BRD8: variants seen among roughly 807,000 people sequenced by gnomAD.
BRD8 encodes bromodomain-containing protein 8.
Under a neutral mutation model 143.1 loss-of-function variants are expected in BRD8, and 67 were observed. The observed-to-expected ratio is 0.47, with a 90% confidence interval of 0.38 to 0.57. The LOEUF (loss-of-function observed/expected upper bound fraction) is 0.57. Among genes scored for constraint, BRD8 ranks in the 20% least tolerant of loss-of-function variants. The pLI, the probability that BRD8 is intolerant of heterozygous loss-of-function variation, is 0.00. For missense variants in BRD8, 1,103 were observed against 1,503.0 expected, an observed-to-expected ratio of 0.73 and a Z score of 4.40; for synonymous variants, 505 against 517.1, an observed-to-expected ratio of 0.98 and a Z score of 0.32.
chr5:138,160,272 C>A (rs1255227007), intron 18 of BRD8, 99 bp from the exon 19 acceptor site: 1 of 784,452 alleles, frequency 1.3e-6, no homozygotes, highest in East Asian at 2.5e-5. Flanking sequence ...GTATAGTACT[C>A]TTCTGGCTCA....
intron 12 of BRD8, 117 bp from the exon 13 acceptor site, chr5:138,164,530 T>C: frequency 1.7e-6 from 2 of 1,177,756 alleles, no homozygotes; most frequent in Non-Finnish European, 2.5e-6. Context: ...ACTCATGTAA[T>C]GTGACTCCAA....
intron 23 of BRD8, among the ~76,000 whole-genome samples, chr5:138,147,541 G>A (rs1432897793): frequency 6.6e-6 from 1 of 152,136 alleles, no homozygotes; most frequent in Non-Finnish European, 1.5e-5. Flanking sequence ...GGACGTAGTG[G>A]CTCATGCCTA....
intron 25 of BRD8, among the ~76,000 whole-genome samples, chr5:138,143,567 C>A (rs1157656659): frequency 6.6e-6 from 1 of 152,114 alleles, no homozygotes; most frequent in African/African-American, 2.4e-5. Context: ...ACTTGGAGAA[C>A]TTTTCTGTCT....
chr5:138,164,409 G>C lies in BRD8; in HGVS notation c.1736C>G (p.Ser579Cys). 6.2e-7 allele frequency: 1 copy of C among 1,613,842 alleles called. No individual in the cohort carries two copies. The highest frequency in any genetic ancestry group is 8.5e-7 in the Non-Finnish European group (1 of 1,179,766). ...TGATGGAGACAACATGCTTTCAGGG[G>C]ATGCCTGAAAACCAGAAAAGAAAAA... ...TPLTNVKTEA[S>C]PESMLSPSHG... Residue 579 changes from serine to cysteine, a missense_variant, in exon 13 of 27, where the codon TCC (serine) becomes TGC (cysteine). Coordinates refer to ENST00000254900, the MANE Select transcript of BRD8 (RefSeq NM_139199.2).
intron 2 of BRD8, among the ~76,000 whole-genome samples, chr5:138,174,053 T>C (rs1754108028): frequency 6.6e-6 from 1 of 152,198 alleles, no homozygotes; most frequent in African/African-American, 2.4e-5. Context: ...ATGGTATTTC[T>C]TTATGTGTCT....
chr5:138,170,229 A>T, intron 7 of BRD8, 116 bp downstream of exon 7: 1 of 777,202 alleles, frequency 1.3e-6, no homozygotes, highest in Non-Finnish European at 2.2e-6. Flanking sequence ...CTGGTAGAAG[A>T]GAAAACTGCA....
In BRD8 at chr5:138,164,714, C is replaced by T; in HGVS notation, c.1731G>A (p.Glu577=). ...DETPLTNVKT[E]ASPESMLSPS... Reference sequence around the variant, plus strand: ...CCCAGCCCCGATCTTTCTTAAGTACCTCTGTCTTCACATTTGTAAGTGGAG... The same window carrying T: ...CCCAGCCCCGATCTTTCTTAAGTACTTCTGTCTTCACATTTGTAAGTGGAG... Residue 577 remains glutamate (E), a splice_region_variant and synonymous_variant, in exon 12 of 27, where the codon GAG becomes GAA. Coordinates refer to ENST00000254900, the MANE Select transcript of BRD8 (RefSeq NM_139199.2). 1 of 1,614,012 alleles carries T rather than the reference C, an allele frequency of 6.2e-7. No homozygotes were observed. Among genetic ancestry groups the T allele is most frequent in the South Asian group, 1.1e-5 (1 of 91,044 alleles).
At chr5:138,168,893 T>C (rs1276037954) in intron 8 of BRD8, among the ~76,000 whole-genome samples, 1 of 152,148 alleles carries the variant, frequency 6.6e-6, no homozygotes, top group Non-Finnish European at 1.5e-5. Flanking sequence ...GACTCAACCA[T>C]CCCACCCAAC....
chr5:138,173,893 G>T (rs1352815752), intron 2 of BRD8, among the ~76,000 whole-genome samples: 1 of 152,058 alleles, frequency 6.6e-6, no homozygotes, highest in Non-Finnish European at 1.5e-5. Context: ...GCCCAGACTG[G>T]TCTCCAATTC....
intron 3 of BRD8, 114 bp from the exon 4 acceptor site, chr5:138,171,524 C>T (rs890946803): frequency 3.1e-5 from 22 of 700,350 alleles, no homozygotes; most frequent in Admixed American, 1.5e-4. Flanking sequence ...ATATGTAAGA[C>T]GGGAGTGGTT....
intron 25 of BRD8, among the ~76,000 whole-genome samples, chr5:138,144,897 T>C (rs1352355429): frequency 4.3e-5 from 2 of 46,806 alleles, no homozygotes; most frequent in African/African-American, 1.7e-4. Context: ...TGAGACCCTG[T>C]CAAAAAAAAA....
intron 20 of BRD8, among the ~76,000 whole-genome samples, chr5:138,156,123 A>G (rs1581418575): frequency 7.0e-6 from 1 of 142,366 alleles, no homozygotes; most frequent in South Asian, 2.4e-4. Context: ...CTCCCACCTC[A>G]GCCTCCCAAA....
chr5:138,169,201 C>T, intron 8 of BRD8, 21 bp downstream of exon 8: 1 of 1,610,078 alleles, frequency 6.2e-7, no homozygotes, highest in East Asian at 2.2e-5. Context: ...GATCAATTCC[C>T]ACAGATGGAA....
chr5:138,159,926 A>G, intron 19 of BRD8, 143 bp downstream of exon 19: 1 of 667,624 alleles, frequency 1.5e-6, no homozygotes, highest in Non-Finnish European at 2.6e-6. Flanking sequence ...ATGGGTGCAA[A>G]CCACCATCAT....
intron 19 of BRD8, 32 bp from the exon 20 acceptor site, chr5:138,159,631 T>G (rs1488217416): frequency 1.2e-6 from 2 of 1,611,224 alleles, no homozygotes; most frequent in Non-Finnish European, 1.7e-6. Flanking sequence ...CTGATCAGGT[T>G]CCACAGAAAC....
Position 138,152,726 on chromosome 5 carries a change from T to G in BRD8, c.2612A>C (p.Gln871Pro). The G allele has an allele frequency of 6.2e-7, 1 of 1,614,116 alleles. No homozygotes were observed. Among genetic ancestry groups the G allele is most frequent in the African/African-American group, 1.3e-5 (1 of 75,044 alleles). Residue 871 changes from glutamine to proline, a missense_variant, in exon 21 of 27, where the codon CAA becomes CCA. By Grantham distance (76) the Gln-to-Pro change is moderately conservative (BLOSUM62 -1). This residue lies in a region of BRD8 where 369 missense variants were observed against 445.5 expected (regional missense o/e 0.83). Coordinates refer to ENST00000254900, the MANE Select transcript of BRD8 (RefSeq NM_139199.2). ...CAACTCAGAGTCATTGGGATGATCT[T>G]GTTCAGAATCCAGCCAAACCCACTC... ...GHEWVWLDSE[Q>P]DHPNDSELSN... is the part of the protein sequence containing the mutation.
intron 14 of BRD8, 51 bp downstream of exon 14, chr5:138,164,036 A>G (rs1753207982): frequency 1.3e-6 from 2 of 1,564,134 alleles, no homozygotes; most frequent in East Asian, 2.2e-5. Flanking sequence ...AAGTAGTGCT[A>G]TAGGGAAATC....
chr5:138,140,894 CAAGAAAAAACA>C lies in BRD8; in HGVS notation c.3438-23_3438-13del. ...TTAAGTCCATGGGTCTGCAGGTGGC[CAAGAAAAAACA>C]AAGAAAATCAAACCTTCATGTGGAA... is the stretch of plus-strand genomic sequence containing the variant. On this transcript the variant is annotated splice_polypyrimidine_tract_variant and intron_variant, in intron 25 of 26. Transcript: ENST00000254900. 6.2e-7 allele frequency: 1 copy of C among 1,610,338 alleles called. No individual in the cohort carries two copies. The highest frequency in any genetic ancestry group is 8.5e-7 in the Non-Finnish European group (1 of 1,178,736).
At chr5:138,165,216 C>G (rs1753303623) in intron 11 of BRD8, 50 bp from the exon 12 acceptor site, 1 of 1,563,932 alleles carries the variant, frequency 6.4e-7, no homozygotes, top group Middle Eastern at 1.8e-4. Flanking sequence ...AAGCCCAAGT[C>G]CTTCAATTTT....
Sources: gnomAD v4.1 joint callset for allele counts (sites outside exome capture counted in the v4.1 genomes callset) on GRCh38, gnomAD v4.1.1 for gene constraint, gnomAD v4.1.1 regional missense constraint, MANE v1.5 for transcripts, NCBI Gene and HGNC (gene_info 2026-07-23, HGNC 2026-07-21) for gene names.